Variants in LUC7L observed in about 807,000 individuals in gnomAD.
The protein encoded by LUC7L is putative RNA-binding protein Luc7-like 1.
Under a neutral mutation model 51.1 loss-of-function variants are expected in LUC7L, and 29 were observed. The ratio of observed to expected loss-of-function variants is 0.57; its 90% CI spans 0.42 to 0.77. The LOEUF is 0.77. Ranked by LOEUF, LUC7L falls within the 30% of genes least tolerant of loss-of-function variation. The pLI, the probability that LUC7L is intolerant of heterozygous loss-of-function variation, is 0.00. For synonymous variants in LUC7L, 181 were observed against 180.7 expected, an observed-to-expected ratio of 1.00 and a Z score of -0.01; for missense variants, 403 against 511.9, an observed-to-expected ratio of 0.79 and a Z score of 2.05.
chr16:195,964 T>C (rs2049137044), intron 6 of LUC7L, among the ~76,000 whole-genome samples: 1 of 152,188 alleles, frequency 6.6e-6, no homozygotes, highest in Non-Finnish European at 1.5e-5. Context: ...TTGTGTTGTT[T>C]TGGTCAACTC....
At chr16:218,966 G>A (rs1157352891) in intron 3 of LUC7L, among the ~76,000 whole-genome samples, 2 of 145,452 alleles carry the variant, frequency 1.4e-5, no homozygotes, top group South Asian at 2.2e-4. Context: ...GGGTGTGGTG[G>A]CACACACCTA....
chr16:227,851 C>T (rs2050170035), intron 1 of LUC7L: 2 of 1,001,596 alleles, frequency 2.0e-6, no homozygotes, highest in Non-Finnish European at 2.4e-6. Flanking sequence ...ATCTATTCTT[C>T]CTACGTCCCT....
Position 206,094 on chromosome 16 carries a change from G to A in LUC7L, c.420C>T (p.Ala140=), listed in dbSNP as rs767369130. 78 of 1,613,596 alleles carry A rather than the reference G, an allele frequency of 4.8e-5. No individual in the cohort carries two copies. The highest frequency in any genetic ancestry group is 6.7e-5 in the East Asian group (3 of 44,888). The change falls in exon 5 of 10, where the codon GCC becomes GCT. Residue 140 remains alanine (A), a synonymous_variant. Transcript: ENST00000293872. ...CATTACCTTCAGCCCCTAGCTGTTC[G>A]GCTTTAGCAAGGAGTTTTCCTATTT... ...NEEIGKLLAK[A]EQLGAEGNVD...
chr16:229,426 G>T lies in LUC7L; in HGVS notation c.-87C>A. The T allele has an allele frequency of 8.1e-7, 1 of 1,238,056 alleles. No individual in the cohort carries two copies. Among genetic ancestry groups the T allele is most frequent in the Non-Finnish European group, 1.1e-6 (1 of 929,624 alleles). 76.7% of individuals were successfully genotyped at this position (1,238,056 alleles called of 1,614,324 possible). A position where few individuals can be genotyped will look rare whatever the true frequency, so the allele number is the denominator to read the frequency against. Reference sequence around the variant, plus strand: ...GGCGTCGACAAACGATGGTCGCGTCGGCCTCGAGCCCACTCGGCTCTTTCC... The same window carrying T: ...GGCGTCGACAAACGATGGTCGCGTCTGCCTCGAGCCCACTCGGCTCTTTCC... On this transcript the variant is annotated 5_prime_UTR_variant, in exon 1 of 10. Coordinates refer to ENST00000293872, the MANE Select transcript of LUC7L (RefSeq NM_201412.3).
At chr16:192,885 C>G (rs373418558) in intron 7 of LUC7L, 42 bp downstream of exon 7, 2 of 1,526,892 alleles carry the variant, frequency 1.3e-6, no homozygotes, top group Admixed American at 1.7e-5. Context: ...AGGGAATGCC[C>G]GAGGCCAATG....
At chr16:192,463 G>A (rs1262163302) in intron 7 of LUC7L, among the ~76,000 whole-genome samples, 2 of 149,992 alleles carry the variant, frequency 1.3e-5, no homozygotes, top group Admixed American at 6.7e-5. Context: ...GCGCTGGGAC[G>A]TGTTTTGTTT....
intron 6 of LUC7L, among the ~76,000 whole-genome samples, chr16:193,540 G>A (rs1219749574): frequency 6.6e-6 from 1 of 151,884 alleles, no homozygotes; most frequent in Non-Finnish European, 1.5e-5. Context: ...AGTCCGCCCT[G>A]TTGCCCAGTG....
At chr16:221,810 T>C (rs1314847471) in intron 2 of LUC7L, among the ~76,000 whole-genome samples, 1 of 152,200 alleles carries the variant, frequency 6.6e-6, no homozygotes, top group Non-Finnish European at 1.5e-5. Context: ...ATGCTTAAGA[T>C]GCAGAGACAG....
chr16:228,163 G>A (rs2050175911), intron 1 of LUC7L: 2 of 1,231,646 alleles, frequency 1.6e-6, no homozygotes, highest in East Asian at 5.7e-5. Flanking sequence ...ACAACACAGA[G>A]CTGTGCAACG....
In LUC7L at chr16:227,616, G is replaced by A. The variant is rs956851178; in HGVS notation, c.62-280C>T. 1.2e-5 allele frequency: 15 copies of A among 1,237,136 alleles called. No homozygotes were observed. The Admixed American group carries it at 2.2e-4, about 18-fold the overall frequency. 76.6% of individuals were successfully genotyped at this position (1,237,136 alleles called of 1,614,324 possible). A position where few individuals can be genotyped will look rare whatever the true frequency, so the allele number is the denominator to read the frequency against. ...GACGTAAACAGCTGAGCACCAAAAG[G>A]CCATTGGCTCCACATATACATGTGG... On this transcript the variant is annotated intron_variant, in intron 1 of 9. Coordinates refer to ENST00000293872, the MANE Select transcript of LUC7L (RefSeq NM_201412.3).
intron 5 of LUC7L, among the ~76,000 whole-genome samples, chr16:202,968 T>TA (rs2049375596): frequency 6.6e-6 from 1 of 151,970 alleles, no homozygotes; most frequent in South Asian, 2.1e-4. Context: ...ACCGACATGG[T>TA]GAAACCCCGT....
Position 189,124 on chromosome 16 carries a change from T to A in LUC7L, c.*74A>T. On this transcript the variant is annotated 3_prime_UTR_variant, in exon 10 of 10. Coordinates refer to ENST00000293872, the MANE Select transcript of LUC7L (RefSeq NM_201412.3). ...TTTAAACTACAAAAGATGAGTTGTA[T>A]TCAGCAAATATAAAGGGTAATTTTA... 3 of 1,449,006 alleles carry A rather than the reference T, an allele frequency of 2.1e-6. No homozygotes were observed. Among genetic ancestry groups the A allele is most frequent in the Non-Finnish European group, 2.8e-6 (3 of 1,062,378 alleles). 89.8% of individuals were successfully genotyped at this position (1,449,006 alleles called of 1,614,324 possible).
chr16:229,326 G>A lies in LUC7L; in HGVS notation c.14C>T (p.Ala5Val). 3.3e-6 allele frequency: 5 copies of A among 1,521,108 alleles called. No homozygotes were observed. The highest frequency in any genetic ancestry group is 3.5e-6 in the Non-Finnish European group (4 of 1,140,620). The allele number at this position is 1,521,108 out of a possible 1,614,324, so 94.2% of individuals were successfully genotyped here. MSAQ[A>V]QMRALLDQLM... Reference sequence around the variant, plus strand: ...CTGGTCCAGCAGGGCCCGCATCTGCGCCTGGGCGGACATGGTAGCCGGCGG... The same window carrying A: ...CTGGTCCAGCAGGGCCCGCATCTGCACCTGGGCGGACATGGTAGCCGGCGG... Residue 5 changes from alanine to valine, a missense_variant, in exon 1 of 10, where the codon GCG becomes GTG. By Grantham distance (64) the Ala-to-Val change is moderately conservative (BLOSUM62 0). This residue lies in a region of LUC7L where 182 missense variants were observed against 248.4 expected (regional missense o/e 0.73). Transcript: ENST00000293872.
At chr16:214,574 T>A (rs1299798677) in intron 3 of LUC7L, among the ~76,000 whole-genome samples, 1 of 152,236 alleles carries the variant, frequency 6.6e-6, no homozygotes, top group Non-Finnish European at 1.5e-5. Context: ...TTCTCCAGGC[T>A]GGAGCACAGT....
chr16:198,447 C>G (rs1017512648), intron 6 of LUC7L, among the ~76,000 whole-genome samples: 5 of 152,086 alleles, frequency 3.3e-5, no homozygotes, highest in African/African-American at 1.2e-4. Context: ...GTGTGACACT[C>G]TGTCTTGACC....
Position 226,267 on chromosome 16 carries a change from T to G in LUC7L, c.156+975A>C, listed in dbSNP as rs372344617. On this transcript the variant is annotated intron_variant, in intron 2 of 9. Coordinates refer to ENST00000293872, the MANE Select transcript of LUC7L (RefSeq NM_201412.3). ...AGCAATGATTCATCATGAAGAAAAC[T>G]TCCTTTAACATATGCACATTTCATC... is the stretch of plus-strand genomic sequence containing the variant. Among the ~76,000 whole-genome samples the G allele has an allele frequency of 3.6e-3, 553 of 152,316 alleles. 2 individuals are homozygous for G. Among genetic ancestry groups the G allele is most frequent in the African/African-American group, 0.013 (522 of 41,580 alleles).
chr16:191,207 A>G (rs1432986722), intron 7 of LUC7L, among the ~76,000 whole-genome samples: 2 of 152,238 alleles, frequency 1.3e-5, no homozygotes, highest in Non-Finnish European at 2.9e-5. Flanking sequence ...CAGTCTTTAC[A>G]ACAGACACCA....
intron 2 of LUC7L, among the ~76,000 whole-genome samples, chr16:221,626 C>T (rs2049972048): frequency 1.3e-5 from 2 of 152,032 alleles, no homozygotes; most frequent in African/African-American, 4.8e-5. Context: ...TCGCTTGAAC[C>T]CAGGAGGTGG....
chr16:200,284 C>T (rs1390422248), intron 5 of LUC7L, among the ~76,000 whole-genome samples: 7 of 149,374 alleles, frequency 4.7e-5, no homozygotes, highest in African/African-American at 9.9e-5. Context: ...ATTAGCTGGG[C>T]GTGGTGGCGG....
Sources: gnomAD v4.1 joint callset for allele counts (sites outside exome capture counted in the v4.1 genomes callset) on GRCh38, gnomAD v4.1.1 for gene constraint, gnomAD v4.1.1 regional missense constraint, MANE v1.5 for transcripts, NCBI Gene and HGNC (gene_info 2026-07-23, HGNC 2026-07-21) for gene names.